SGCD: variants seen among roughly 807,000 people sequenced by gnomAD.
SGCD encodes sarcoglycan delta, also known as delta-sarcoglycan.
A neutral mutation model predicts 36.6 loss-of-function variants in SGCD; 18 were observed. The observed-to-expected ratio is 0.49, with a 90% CI of 0.34 to 0.73. SGCD has a LOEUF of 0.73. SGCD is among the 30% of genes least tolerant of loss of function. The probability of loss-of-function intolerance (pLI) is 0.01; values close to 1 mark genes in which losing one functional copy is unlikely to be tolerated. For missense variants in SGCD, 387 were observed against 346.7 expected, an observed-to-expected ratio of 1.12 and a Z score of -0.92; for synonymous variants, 133 against 130.6, an observed-to-expected ratio of 1.02 and a Z score of -0.12.
At chr5:156,028,728 G>A (rs1759276960) in intron 1 of SGCD, among the ~76,000 whole-genome samples, 1 of 152,138 alleles carries the variant, frequency 6.6e-6, no homozygotes, top group East Asian at 1.9e-4. Flanking sequence ...TCATGAGAAA[G>A]TCATGGAGAA....
intron 1 of SGCD, among the ~76,000 whole-genome samples, chr5:156,074,308 G>C (rs1308989964): frequency 1.3e-5 from 2 of 152,054 alleles, no homozygotes; most frequent in East Asian, 3.9e-4. Context: ...AGATTGAAGG[G>C]AGCTGATCAT....
intron 1 of SGCD, among the ~76,000 whole-genome samples, chr5:156,082,641 G>A (rs924710233): frequency 6.6e-6 from 1 of 152,056 alleles, no homozygotes; most frequent in Non-Finnish European, 1.5e-5. Context: ...ATGACATCTG[G>A]CCTGATTTCA....
chr5:156,403,644 G>T (rs555144720), intron 3 of SGCD, among the ~76,000 whole-genome samples: 2 of 152,132 alleles, frequency 1.3e-5, no homozygotes, highest in African/African-American at 4.8e-5. Flanking sequence ...TAGAATTGGG[G>T]TCCCTCATGC....
chr5:156,100,838 G>A (rs1186954968), intron 1 of SGCD, among the ~76,000 whole-genome samples: 7 of 152,142 alleles, frequency 4.6e-5, no homozygotes. Flanking sequence ...GCAAAGACTA[G>A]CATGATCTAC....
chr5:156,613,063 C>A (rs946599705), intron 6 of SGCD, among the ~76,000 whole-genome samples: 16 of 152,298 alleles, frequency 1.1e-4, no homozygotes, highest in Non-Finnish European at 2.1e-4. Flanking sequence ...GGCAGAGGTA[C>A]GGTGCTTTGC....
intron 1 of SGCD, among the ~76,000 whole-genome samples, chr5:156,093,533 C>A (rs1165601229): frequency 1.3e-4 from 20 of 152,196 alleles, no homozygotes; most frequent in Non-Finnish European, 2.9e-4. Context: ...GGAGGACTGT[C>A]TGAACTCTGT....
chr5:156,112,475 G>A (rs1028704138), intron 1 of SGCD, among the ~76,000 whole-genome samples: 1 of 152,144 alleles, frequency 6.6e-6, no homozygotes, highest in Admixed American at 6.6e-5. Flanking sequence ...GAAGCATAAG[G>A]TTTTGGGAAG....
intron 1 of SGCD, among the ~76,000 whole-genome samples, chr5:156,034,130 C>T (rs1759430264): frequency 6.6e-6 from 1 of 152,142 alleles, no homozygotes; most frequent in African/African-American, 2.4e-5. Flanking sequence ...TTTTTGTCTC[C>T]TGCAAAAGAC....
Position 155,975,631 on chromosome 5 carries a change from T to C in SGCD, c.-282+105207T>C, listed in dbSNP as rs1190537891. Among the ~76,000 whole-genome samples the C allele has an allele frequency of 2.0e-3, 199 of 101,000 alleles. 2 individuals carry two copies. Among genetic ancestry groups the C allele is most frequent in the African/African-American group, 7.9e-3 (194 of 24,602 alleles). 66.3% of individuals were successfully genotyped at this position (101,000 alleles called of 152,430 possible). The stretch of plus-strand genomic sequence containing the variant: ...TTCCTTTTTTTTTTTTTTTTTTTTT[T>C]TTTTTTTTTTTTTTTGAGACGGAGT... On this transcript the variant is annotated intron_variant, in intron 1 of 9. Transcript: ENST00000517913.
intron 1 of SGCD, among the ~76,000 whole-genome samples, chr5:155,973,656 T>C (rs1306349023): frequency 6.6e-6 from 1 of 152,192 alleles, no homozygotes; most frequent in Non-Finnish European, 1.5e-5. Context: ...ATTTACAGAA[T>C]CTGTACTCAT....
At chr5:156,472,761 A>C (rs777463703) in intron 3 of SGCD, among the ~76,000 whole-genome samples, 1 of 152,194 alleles carries the variant, frequency 6.6e-6, no homozygotes, top group Non-Finnish European at 1.5e-5. Flanking sequence ...ATGCTGAGTG[A>C]AAGAAACAAG....
intron 3 of SGCD, among the ~76,000 whole-genome samples, chr5:156,133,514 C>T (rs575867850): frequency 1.3e-5 from 2 of 152,140 alleles, no homozygotes; most frequent in South Asian, 2.1e-4. Context: ...TTCTTGAAAC[C>T]ACCCTGTTGG....
Position 155,993,386 on chromosome 5 carries a change from C to T in SGCD, c.-282+122962C>T, listed in dbSNP as rs182426808. Among the ~76,000 whole-genome samples, 347 of 150,394 alleles carry T rather than the reference C, an allele frequency of 2.3e-3. 1 individual carries two copies. Among genetic ancestry groups the T allele is most frequent in the African/African-American group, 8.1e-3 (330 of 40,768 alleles). ...GACAGAGCCTTGCTCTGACACCCACCCAGGCTGGAGTGCAGTGGCATGATC... is the reference window on the plus strand; with the variant it reads ...GACAGAGCCTTGCTCTGACACCCACTCAGGCTGGAGTGCAGTGGCATGATC... On this transcript the variant is annotated intron_variant, in intron 1 of 9. Coordinates refer to the SGCD transcript ENST00000517913.
chr5:156,036,857 G>T (rs1023449738), intron 1 of SGCD, among the ~76,000 whole-genome samples: 6 of 152,224 alleles, frequency 3.9e-5, no homozygotes, highest in Non-Finnish European at 8.8e-5. Context: ...TCTATGTCAT[G>T]CTGCAGTTAT....
chr5:156,084,230 G>C (rs551441475), intron 1 of SGCD, among the ~76,000 whole-genome samples: 7 of 152,182 alleles, frequency 4.6e-5, no homozygotes, highest in African/African-American at 1.4e-4. Context: ...CTATGGATGC[G>C]GTATGTTTTC....
At position 156,765,236 on chromosome 5, in the gene SGCD, C is replaced by G. The variant is rs572469061; in HGVS notation, c.*5846C>G. The G allele has an allele frequency of 2.0e-5, 3 of 152,292 alleles. No homozygotes were observed. Among genetic ancestry groups the G allele is most frequent in the African/African-American group, 7.2e-5 (3 of 41,548 alleles). The allele number at this position is 152,292 out of a possible 1,614,324, so 9.4% of individuals were successfully genotyped here. ...GGTTTTTTGGTGAAATCAGAGATAG[C>G]TCAGGATTTCATAAAACGAGAAACT... On this transcript the variant is annotated 3_prime_UTR_variant, in exon 9 of 9. Coordinates refer to ENST00000337851, the MANE Select transcript of SGCD (RefSeq NM_000337.6).
At chr5:156,289,698 T>C (rs554396027) in intron 3 of SGCD, among the ~76,000 whole-genome samples, 4 of 152,266 alleles carry the variant, frequency 2.6e-5, no homozygotes, top group Admixed American at 2.6e-4. Flanking sequence ...TTTTAATTTT[T>C]ATAAAGACAA....
At chr5:156,111,512 G>A (rs1761785198) in intron 1 of SGCD, among the ~76,000 whole-genome samples, 1 of 152,176 alleles carries the variant, frequency 6.6e-6, no homozygotes, top group Non-Finnish European at 1.5e-5. Context: ...GAGATGCATT[G>A]AGTAGAGACC....
intron 2 of SGCD, among the ~76,000 whole-genome samples, chr5:156,120,293 G>C (rs899017857): frequency 1.3e-5 from 2 of 152,022 alleles, no homozygotes; most frequent in African/African-American, 4.8e-5. Flanking sequence ...AATGAGTGTT[G>C]TTCCCAAGAA....
Sources: allele counts gnomAD v4.1 joint callset (sites outside exome capture counted in the v4.1 genomes callset), GRCh38; gene constraint gnomAD v4.1.1; transcripts MANE v1.5; gene names NCBI Gene and HGNC (gene_info 2026-07-23, HGNC 2026-07-21).